HDAC4: variants seen among roughly 807,000 people sequenced by gnomAD.
The protein encoded by HDAC4 is histone deacetylase 4.
Under a neutral mutation model 135.1 loss-of-function variants are expected in HDAC4, and 16 were observed. The observed-to-expected ratio is 0.12, with a 90% CI of 0.08 to 0.18. The LOEUF is 0.18. Among genes scored for constraint, HDAC4 ranks in the 10% least tolerant of loss-of-function variants. HDAC4 has a pLI of 1.00. For missense variants in HDAC4, 1,143 were observed against 1,511.8 expected (o/e 0.76, Z 4.05); for synonymous variants, 685 against 653.4 (o/e 1.05, Z -0.74).
rs78796304 is a variant in HDAC4 at position 239,368,885 on chromosome 2, G to A, written c.-219-15967C>T. Among the ~76,000 whole-genome samples, 319 of 152,258 alleles carry A rather than the reference G, an allele frequency of 2.1e-3. 7 individuals are homozygous for A. The East Asian group carries it at 0.054, about 26-fold the overall frequency. On this transcript the variant is annotated intron_variant, in intron 1 of 26. Transcript: ENST00000543185. ...ACTCAAAACTATCGATGTCGGCATC[G>A]ACAGCTGAGGCTGCCCTGCAGATGG...
intron 1 of HDAC4, among the ~76,000 whole-genome samples, chr2:239,392,103 G>A (rs1174759665): frequency 6.6e-6 from 1 of 152,238 alleles, no homozygotes; most frequent in African/African-American, 2.4e-5. Context: ...CCGGGCAGGG[G>A]TGGGATGGCC....
At chr2:239,062,392 CCTT>C (rs2032885197) in intron 24 of HDAC4, among the ~76,000 whole-genome samples, 1 of 152,264 alleles carries the variant, frequency 6.6e-6, no homozygotes, top group African/African-American at 2.4e-5. Context: ...TGTATATCAA[CCTT>C]CATCAAAGGC....
chr2:239,383,624 T>C (rs1695573383), intron 1 of HDAC4, among the ~76,000 whole-genome samples: 1 of 151,666 alleles, frequency 6.6e-6, no homozygotes, highest in Non-Finnish European at 1.5e-5. Flanking sequence ...GCCCGATCAA[T>C]CCATTACCAT....
At chr2:239,129,444 G>A (rs1176786451) in intron 11 of HDAC4, among the ~76,000 whole-genome samples, 2 of 152,352 alleles carry the variant, frequency 1.3e-5, no homozygotes, top group East Asian at 3.9e-4. Context: ...GTGTGGTGCT[G>A]GGCGGGGTGT....
intron 4 of HDAC4, among the ~76,000 whole-genome samples, chr2:239,181,533 C>T (rs1184580566): frequency 1.3e-5 from 2 of 152,376 alleles, no homozygotes; most frequent in African/African-American, 2.4e-5. Context: ...AACTTAATTC[C>T]GAACAACCAA....
At chr2:239,154,096 T>C (rs570636098) in intron 7 of HDAC4, among the ~76,000 whole-genome samples, 2 of 152,028 alleles carry the variant, frequency 1.3e-5, no homozygotes, top group African/African-American at 4.8e-5. Context: ...CTGTTGCGAG[T>C]TGGGGTGTGG....
chr2:239,368,262 A>T (rs1283212184), intron 1 of HDAC4, among the ~76,000 whole-genome samples: 4 of 152,062 alleles, frequency 2.6e-5, no homozygotes, highest in Non-Finnish European at 5.9e-5. Context: ...GAGACACAGG[A>T]GGGCCCTGAA....
chr2:239,084,819 A>AC, intron 19 of HDAC4, among the ~76,000 whole-genome samples: 1 of 149,042 alleles, frequency 6.7e-6, no homozygotes. Context: ...CCCCACAGAT[A>AC]GAGACACACA....
chr2:239,293,066 C>T (rs749726736), intron 2 of HDAC4, among the ~76,000 whole-genome samples: 16 of 152,218 alleles, frequency 1.1e-4, no homozygotes, highest in Non-Finnish European at 1.8e-4. Flanking sequence ...GTGAGGCCAG[C>T]GGCCAGCTCC....
chr2:239,165,561 T>G (rs1433405691), intron 5 of HDAC4, among the ~76,000 whole-genome samples: 2 of 152,256 alleles, frequency 1.3e-5, no homozygotes, highest in Admixed American at 1.3e-4. Flanking sequence ...ATCGAGAGCC[T>G]AGTATATGCC....
Position 239,051,760 on chromosome 2 carries a change from A to G in HDAC4, c.*1337T>C, listed in dbSNP as rs1234305819. On this transcript the variant is annotated 3_prime_UTR_variant, in exon 27 of 27. Transcript: ENST00000543185. Reference sequence around the variant, plus strand: ...TGGAGCTTGAGAAAACATGAATTTCAATCAATCAGGATCCCTTTCCATAAG... The same window carrying G: ...TGGAGCTTGAGAAAACATGAATTTCGATCAATCAGGATCCCTTTCCATAAG... The G allele has an allele frequency of 1.3e-5, 2 of 152,464 alleles. No individual in the cohort carries two copies. The highest frequency in any genetic ancestry group is 2.9e-5 in the Non-Finnish European group (2 of 68,036). The allele number at this position is 152,464 out of a possible 1,614,324, so 9.4% of individuals were successfully genotyped here.
chr2:239,108,375 T>C (rs1464400136), intron 14 of HDAC4, among the ~76,000 whole-genome samples, 192 bp from the exon 15 acceptor site: 3 of 152,156 alleles, frequency 2.0e-5, no homozygotes, highest in African/African-American at 7.2e-5. Context: ...CGTGGACGAA[T>C]GCAGAGGCCA....
intron 2 of HDAC4, among the ~76,000 whole-genome samples, chr2:239,336,265 G>A (rs1691933205): frequency 1.3e-5 from 2 of 152,200 alleles, no homozygotes; most frequent in African/African-American, 4.8e-5. Flanking sequence ...TGGGTGTTGG[G>A]ATGTCCCATT....
chr2:239,315,248 T>C (rs553990801), intron 2 of HDAC4, among the ~76,000 whole-genome samples: 12 of 152,344 alleles, frequency 7.9e-5, no homozygotes, highest in Admixed American at 2.0e-4. Flanking sequence ...CCTAAAAATG[T>C]ATGAAACCAA....
At position 239,168,981 on chromosome 2, in the gene HDAC4, G is replaced by A. The variant is rs374125288; in HGVS notation, c.491-5058C>T. ...GGGTGGACGGCGCTTCGGATGCAGCGCAGGGATTGTTTTGGGCTGGTAAAC... is the reference window on the plus strand; with the variant it reads ...GGGTGGACGGCGCTTCGGATGCAGCACAGGGATTGTTTTGGGCTGGTAAAC... On this transcript the variant is annotated intron_variant, in intron 5 of 26. Transcript: ENST00000543185. Among the ~76,000 whole-genome samples the A allele has an allele frequency of 5.3e-5, 8 of 152,310 alleles. No individual in the cohort carries two copies. The East Asian group carries it at 5.8e-4, about 11-fold the overall frequency.
chr2:239,341,873 G>C (rs1393054249), intron 2 of HDAC4, among the ~76,000 whole-genome samples: 4 of 152,200 alleles, frequency 2.6e-5, no homozygotes, highest in Non-Finnish European at 5.9e-5. Flanking sequence ...ACAGTATTAA[G>C]AAGTGGGGCC....
rs1019265289 is a variant in HDAC4, at chr2:239,188,138, G to A, written c.339+1695C>T. On this transcript the variant is annotated intron_variant, in intron 4 of 26. Transcript: ENST00000543185. Reference sequence around the variant, plus strand: ...GAGGGGGCCGAGTACAGAGCTCTCCGGGCTCACCTTTGAAGCACAGGCACT... The same window carrying A: ...GAGGGGGCCGAGTACAGAGCTCTCCAGGCTCACCTTTGAAGCACAGGCACT... Among the ~76,000 whole-genome samples, 13 of 152,256 alleles carry A rather than the reference G, an allele frequency of 8.5e-5. No individual in the cohort carries two copies. The South Asian group carries it at 2.5e-3, about 29-fold the overall frequency.
chr2:239,153,291 T>C (rs1006350319), intron 7 of HDAC4, among the ~76,000 whole-genome samples: 2 of 152,254 alleles, frequency 1.3e-5, no homozygotes, highest in African/African-American at 4.8e-5. Context: ...CCTTTAGAGA[T>C]GCAGAAATGG....
intron 1 of HDAC4, among the ~76,000 whole-genome samples, chr2:239,398,057 C>G (rs771875950): frequency 6.0e-5 from 8 of 132,994 alleles, no homozygotes; most frequent in Non-Finnish European, 1.1e-4. Flanking sequence ...TGGGCCCCTT[C>G]GCCCTTCAGT....
Sources: gnomAD v4.1 joint callset for allele counts (sites outside exome capture counted in the v4.1 genomes callset) on GRCh38, gnomAD v4.1.1 for gene constraint, MANE v1.5 for transcripts, NCBI Gene and HGNC (gene_info 2026-07-23, HGNC 2026-07-21) for gene names.